PTPRN2: variants seen among roughly 807,000 people sequenced by gnomAD.
The protein encoded by PTPRN2 is protein tyrosine phosphatase receptor type N2.
PTPRN2 carries 74 observed loss-of-function variants against 118.8 expected under a neutral mutation model. The observed-to-expected ratio is 0.62, with a 90% CI of 0.52 to 0.76. The LOEUF is 0.76. Among genes scored for constraint, PTPRN2 ranks in the 30% least tolerant of loss-of-function variants. The pLI is 0.00. For synonymous variants in PTPRN2, 641 were observed against 608.0 expected, an observed-to-expected ratio of 1.05 and a Z score of -0.80; for missense variants, 1,481 against 1,394.4, an observed-to-expected ratio of 1.06 and a Z score of -0.99.
At chr7:158,494,626 C>T (rs779818260) in intron 1 of PTPRN2, among the ~76,000 whole-genome samples, 1 of 152,210 alleles carries the variant, frequency 6.6e-6, no homozygotes, top group South Asian at 2.1e-4. Context: ...TCACTGAAGA[C>T]CCTGCTTTGA....
chr7:158,301,600 T>C (rs76483863), intron 3 of PTPRN2, among the ~76,000 whole-genome samples: 2 of 152,186 alleles, frequency 1.3e-5, no homozygotes, highest in East Asian at 3.8e-4. Context: ...ATAAGCAAAG[T>C]GCATTCACAC....
chr7:158,145,299 C>T (rs1053351418), intron 6 of PTPRN2, among the ~76,000 whole-genome samples: 1 of 148,752 alleles, frequency 6.7e-6, no homozygotes, highest in Non-Finnish European at 1.5e-5. Flanking sequence ...AATACCACAG[C>T]TTGGCAAGGT....
chr7:158,241,122 C>T (rs1013914908), intron 3 of PTPRN2, among the ~76,000 whole-genome samples: 1 of 152,228 alleles, frequency 6.6e-6, no homozygotes, highest in African/African-American at 2.4e-5. Context: ...TTGGTTAACC[C>T]ATTTTAGAAA....
At chr7:157,653,918 C>A (rs1805856471) in intron 14 of PTPRN2, among the ~76,000 whole-genome samples, 1 of 130,378 alleles carries the variant, frequency 7.7e-6, no homozygotes, top group African/African-American at 3.0e-5. Context: ...GCCCGTCTCT[C>A]CCCACACCCA....
At chr7:158,034,731 C>T (rs1422325896) in intron 11 of PTPRN2, among the ~76,000 whole-genome samples, 1 of 152,218 alleles carries the variant, frequency 6.6e-6, no homozygotes, top group Non-Finnish European at 1.5e-5. Context: ...ACCCTGAGTC[C>T]AGCACCTCAG....
intron 2 of PTPRN2, among the ~76,000 whole-genome samples, chr7:158,350,303 G>A (rs759344947): frequency 7.9e-5 from 12 of 152,276 alleles, no homozygotes; most frequent in Admixed American, 3.3e-4. Context: ...TGAAACAGGC[G>A]GCTCTTTCCC....
At position 158,192,338 on chromosome 7, in the gene PTPRN2, G is replaced by T; in HGVS notation, c.538C>A (p.Pro180Thr). Reference sequence around the variant, plus strand: ...AGTGGAAGGGTCACCTCAGCGGGGGGTCTGTCCTGCGCCGTATGGGTCCTG... The same window carrying T: ...AGTGGAAGGGTCACCTCAGCGGGGGTTCTGTCCTGCGCCGTATGGGTCCTG... The part of the protein sequence containing the change: ...LARTHTAQDR[P>T]PAEGDDRFSE... Residue 180 changes from proline (P) to threonine (T), a missense_variant, in exon 5 of 23, where the codon CCC becomes ACC. Pro to Thr is a conservative substitution (Grantham distance 38, BLOSUM62 -1). Coordinates refer to ENST00000389418, the MANE Select transcript of PTPRN2 (RefSeq NM_002847.5). 1.3e-6 allele frequency: 2 copies of T among 1,485,772 alleles called. No individual in the cohort carries two copies. 92.0% of individuals were successfully genotyped at this position (1,485,772 alleles called of 1,614,324 possible). A position where few individuals can be genotyped will look rare whatever the true frequency, so the allele number is the denominator to read the frequency against.
At chr7:158,098,835 G>A (rs1015849367) in intron 10 of PTPRN2, among the ~76,000 whole-genome samples, 1 of 152,022 alleles carries the variant, frequency 6.6e-6, no homozygotes, top group African/African-American at 2.4e-5. Context: ...GAAGCAGTGG[G>A]GGACGGGGAA....
chr7:158,402,449 A>C (rs1437746899), intron 2 of PTPRN2, among the ~76,000 whole-genome samples: 1 of 152,068 alleles, frequency 6.6e-6, no homozygotes, highest in Non-Finnish European at 1.5e-5. Context: ...TTCTCTGCTA[A>C]TTTTGCATCT....
chr7:158,067,619 G>A (rs890425373), intron 11 of PTPRN2, among the ~76,000 whole-genome samples: 9 of 152,148 alleles, frequency 5.9e-5, no homozygotes, highest in African/African-American at 1.4e-4. Context: ...AGTGAGTGTC[G>A]GAGGCTTTGT....
chr7:157,559,202 C>A (rs1799056323), intron 21 of PTPRN2, among the ~76,000 whole-genome samples: 1 of 152,258 alleles, frequency 6.6e-6, no homozygotes, highest in South Asian at 2.1e-4. Context: ...AGCCCCACTG[C>A]CAAAAGGCCA....
At chr7:158,393,638 T>G (rs1812112975) in intron 2 of PTPRN2, among the ~76,000 whole-genome samples, 1 of 152,196 alleles carries the variant, frequency 6.6e-6, no homozygotes, top group Non-Finnish European at 1.5e-5. Flanking sequence ...AGCGTCATTT[T>G]CATCAGAGTT....
intron 3 of PTPRN2, among the ~76,000 whole-genome samples, chr7:158,233,733 A>C (rs189436239): frequency 1.1e-4 from 17 of 152,360 alleles, no homozygotes; most frequent in African/African-American, 4.1e-4. Flanking sequence ...CTTCAAAGCT[A>C]TAGTATCCAA....
intron 12 of PTPRN2, among the ~76,000 whole-genome samples, chr7:157,768,186 A>G (rs1249153155): frequency 6.6e-6 from 1 of 152,238 alleles, no homozygotes; most frequent in African/African-American, 2.4e-5. Flanking sequence ...TGCAACCTAT[A>G]TTTGTGGCTA....
chr7:158,112,025 T>C (rs1380383057), intron 9 of PTPRN2, among the ~76,000 whole-genome samples: 1 of 152,128 alleles, frequency 6.6e-6, no homozygotes, highest in Non-Finnish European at 1.5e-5. Flanking sequence ...TGAAGTCATC[T>C]CAGGCCAGTA....
intron 12 of PTPRN2, among the ~76,000 whole-genome samples, chr7:157,693,333 G>A (rs1410463544): frequency 3.9e-5 from 6 of 152,052 alleles, no homozygotes; most frequent in Non-Finnish European, 8.8e-5. Flanking sequence ...AGAACCCTAG[G>A]GTGGCGACAG....
At chr7:158,419,369 C>T (rs146845444) in intron 2 of PTPRN2, among the ~76,000 whole-genome samples, 12 of 152,396 alleles carry the variant, frequency 7.9e-5, no homozygotes, top group African/African-American at 2.2e-4. Context: ...GCAAGAATTC[C>T]GTCACTGCAA....
chr7:157,776,243 T>TGCTCTC (rs1803223050), intron 12 of PTPRN2, among the ~76,000 whole-genome samples: 1 of 38,474 alleles, frequency 2.6e-5, no homozygotes, highest in African/African-American at 1.6e-4. Context: ...TCTTCCTCCC[T>TGCTCTC]CCTCTCCCTC....
At chr7:158,232,728 A>G (rs1829246795) in intron 3 of PTPRN2, among the ~76,000 whole-genome samples, 1 of 152,182 alleles carries the variant, frequency 6.6e-6, no homozygotes, top group Non-Finnish European at 1.5e-5. Flanking sequence ...AGATCATTCA[A>G]CATGATCGAG....
Sources: allele counts gnomAD v4.1 joint callset (sites outside exome capture counted in the v4.1 genomes callset), GRCh38; gene constraint gnomAD v4.1.1; transcripts MANE v1.5; gene names NCBI Gene and HGNC (gene_info 2026-07-23, HGNC 2026-07-21).